Variants in RAB11FIP3 observed in about 807,000 individuals in gnomAD.
The protein encoded by RAB11FIP3 is rab11 family-interacting protein 3.
A neutral mutation model predicts 77.8 loss-of-function variants in RAB11FIP3; 17 were observed. The observed-to-expected ratio is 0.22, with a 90% confidence interval of 0.15 to 0.33. The LOEUF is 0.33. Among genes scored for constraint, RAB11FIP3 ranks in the 10% least tolerant of loss-of-function variants. The probability of loss-of-function intolerance (pLI) is 1.00; values close to 1 mark genes in which losing one functional copy is unlikely to be tolerated. For synonymous variants in RAB11FIP3, 437 were observed against 448.2 expected, an observed-to-expected ratio of 0.98 and a Z score of 0.31; for missense variants, 1,005 against 1,011.2, an observed-to-expected ratio of 0.99 and a Z score of 0.08.
chr16:517,501 G>A (rs966069950), intron 9 of RAB11FIP3, among the ~76,000 whole-genome samples: 7 of 151,922 alleles, frequency 4.6e-5, no homozygotes, highest in Non-Finnish European at 8.8e-5. Context: ...CCGGGAGGTC[G>A]GGGCTGCAGT....
rs1567392373 is a variant in RAB11FIP3, at chr16:492,460, G to GGGAGACCCGAGGCCGCCCAGAGCCCTCCC, written c.1265+3462_1265+3463insAGACCCGAGGCCGCCCAGAGCCCTCCCGG. Among the ~76,000 whole-genome samples, 241 of 28,196 alleles carry GGGAGACCCGAGGCCGCCCAGAGCCCTCCC rather than the reference G, an allele frequency of 8.5e-3. 16 individuals are homozygous for GGGAGACCCGAGGCCGCCCAGAGCCCTCCC. Among genetic ancestry groups the GGGAGACCCGAGGCCGCCCAGAGCCCTCCC allele is most frequent in the Non-Finnish European group, 9.4e-3 (138 of 14,674 alleles). 18.5% of individuals were successfully genotyped at this position (28,196 alleles called of 152,430 possible). A position where few individuals can be genotyped will look rare whatever the true frequency, so the allele number is the denominator to read the frequency against. ...CCCGAGGCCGCCCAGGGCCCTTCCC[G>GGGAGACCCGAGGCCGCCCAGAGCCCTCCC]GGGAGACCCGAGGCCGCCCAGGGCC... is the stretch of plus-strand genomic sequence containing the variant. On this transcript the variant is annotated intron_variant, in intron 5 of 13. Transcript: ENST00000262305.
rs1419511758 is a variant in RAB11FIP3, at chr16:469,399, A to G, written c.809-1896A>G. Among the ~76,000 whole-genome samples the G allele has an allele frequency of 2.0e-5, 3 of 147,284 alleles. No individual in the cohort carries two copies. The East Asian group carries it at 6.2e-4, about 30-fold the overall frequency. On this transcript the variant is annotated intron_variant, in intron 2 of 13. Transcript: ENST00000262305. Reference sequence around the variant, plus strand: ...TATTTTTTATTATTTTAAATGTATTATTTATGTATTTATGAGACAGGGACT... The same window carrying G: ...TATTTTTTATTATTTTAAATGTATTGTTTATGTATTTATGAGACAGGGACT...
intron 4 of RAB11FIP3, among the ~76,000 whole-genome samples, chr16:488,605 C>T (rs2029893730): frequency 6.6e-6 from 1 of 152,020 alleles, no homozygotes; most frequent in African/African-American, 2.4e-5. Flanking sequence ...GTTGAGGCCT[C>T]CCCCTGTTGC....
In RAB11FIP3 at chr16:521,075, A is replaced by C; in HGVS notation, c.*236A>C. 3.5e-6 allele frequency: 2 copies of C among 579,452 alleles called. No individual in the cohort carries two copies. The highest frequency in any genetic ancestry group is 6.2e-6 in the Non-Finnish European group (2 of 324,178). The allele number at this position is 579,452 out of a possible 1,614,324, so 35.9% of individuals were successfully genotyped here. A position where few individuals can be genotyped will look rare whatever the true frequency, so the allele number is the denominator to read the frequency against. On this transcript the variant is annotated 3_prime_UTR_variant, in exon 14 of 14. Coordinates refer to ENST00000262305, the MANE Select transcript of RAB11FIP3 (RefSeq NM_014700.4). Reference sequence around the variant, plus strand: ...CAGGGCCCGGGGTCCACAGAGGATGAGGGTTGTGGCAGGGCCGTCCATCAG... The same window carrying C: ...CAGGGCCCGGGGTCCACAGAGGATGCGGGTTGTGGCAGGGCCGTCCATCAG...
intron 9 of RAB11FIP3, among the ~76,000 whole-genome samples, chr16:512,342 G>A (rs1222776733): frequency 2.0e-5 from 3 of 151,814 alleles, no homozygotes; most frequent in Non-Finnish European, 2.9e-5. Context: ...CCGGGTTCAC[G>A]CCATTCTCCC....
intron 9 of RAB11FIP3, among the ~76,000 whole-genome samples, chr16:515,446 C>T (rs1269531979): frequency 1.3e-5 from 2 of 152,210 alleles, no homozygotes; most frequent in African/African-American, 4.8e-5. Flanking sequence ...GCGCCAGCAG[C>T]TACACCGGTG....
rs1386641483 is a variant in RAB11FIP3 at position 469,554 on chromosome 16, C to G, written c.809-1741C>G. Among the ~76,000 whole-genome samples the G allele has an allele frequency of 5.9e-5, 9 of 151,972 alleles. No individual in the cohort carries two copies. The South Asian group carries it at 8.3e-4, about 14-fold the overall frequency. On this transcript the variant is annotated intron_variant, in intron 2 of 13. Coordinates refer to ENST00000262305, the MANE Select transcript of RAB11FIP3 (RefSeq NM_014700.4). ...GGACTACAGGCATGCCCCCACCACA[C>G]CTGGCTAATTGTTTTTGTGGAGATG...
At chr16:496,172 G>A (rs1390844577) in intron 5 of RAB11FIP3, among the ~76,000 whole-genome samples, 1 of 152,226 alleles carries the variant, frequency 6.6e-6, no homozygotes, top group Non-Finnish European at 1.5e-5. Context: ...GGCCCCAGGG[G>A]TGAGGGTGTC....
intron 1 of RAB11FIP3, among the ~76,000 whole-genome samples, chr16:441,088 C>T (rs2055218055): frequency 6.6e-6 from 1 of 152,196 alleles, no homozygotes; most frequent in Non-Finnish European, 1.5e-5. Flanking sequence ...TGACAGGTAC[C>T]TGCCACCACG....
chr16:435,189 A>C (rs1246791080), intron 1 of RAB11FIP3, among the ~76,000 whole-genome samples: 2 of 150,168 alleles, frequency 1.3e-5, no homozygotes, highest in Admixed American at 6.7e-5. Flanking sequence ...TGGGCGACAG[A>C]GCGAGACTCC....
chr16:453,180 T>C (rs1327748201), intron 1 of RAB11FIP3, among the ~76,000 whole-genome samples: 2 of 151,728 alleles, frequency 1.3e-5, no homozygotes, highest in Non-Finnish European at 2.9e-5. Flanking sequence ...GTTCAAGTGA[T>C]TCTCGTGCCT....
chr16:517,623 A>T (rs577891171), intron 9 of RAB11FIP3, among the ~76,000 whole-genome samples: 1 of 152,304 alleles, frequency 6.6e-6, no homozygotes, highest in Non-Finnish European at 1.5e-5. Flanking sequence ...AAGGGCACGC[A>T]TGGGAAAGCC....
intron 1 of RAB11FIP3, among the ~76,000 whole-genome samples, chr16:430,280 T>C (rs1212797388): frequency 6.6e-6 from 1 of 152,136 alleles, no homozygotes; most frequent in African/African-American, 2.4e-5. Context: ...CTAAGAGTGT[T>C]GTGAGAAAGG....
At position 505,721 on chromosome 16, in the gene RAB11FIP3, G is replaced by T. The variant is rs1335967284; in HGVS notation, c.1499+94G>T. ...ACTTCTCTTTACCTCACACAGCAGGGGCTTGGCCACCCGTCCATCCCCGTT... is the reference window on the plus strand; with the variant it reads ...ACTTCTCTTTACCTCACACAGCAGGTGCTTGGCCACCCGTCCATCCCCGTT... On this transcript the variant is annotated intron_variant, in intron 8 of 13. Coordinates refer to ENST00000262305, the MANE Select transcript of RAB11FIP3 (RefSeq NM_014700.4). This position sits in a 1 kb window ranked among gnomAD's most constrained non-coding sequence, Gnocchi z 4.0. 1.3e-5 allele frequency: 14 copies of T among 1,110,678 alleles called. No homozygotes were observed. The highest frequency in any genetic ancestry group is 1.5e-5 in the Non-Finnish European group (12 of 787,144). The allele number at this position is 1,110,678 out of a possible 1,614,324, so 68.8% of individuals were successfully genotyped here.
At chr16:489,234 A>G in intron 5 of RAB11FIP3, 1 of 568,666 alleles carries the variant, frequency 1.8e-6, no homozygotes, top group Non-Finnish European at 3.0e-6. Flanking sequence ...AGGCTTCAGC[A>G]AAATCCTGTG....
At chr16:491,192 T>C in intron 5 of RAB11FIP3, 1 of 1,304,684 alleles carries the variant, frequency 7.7e-7, no homozygotes, top group Middle Eastern at 2.1e-4. Flanking sequence ...GTTTGAGTTT[T>C]ACTGTAGCCA....
Position 507,690 on chromosome 16 carries a change from G to C in RAB11FIP3, c.1499+2063G>C, listed in dbSNP as rs2031943003. On this transcript the variant is annotated intron_variant, in intron 8 of 13. Coordinates refer to ENST00000262305, the MANE Select transcript of RAB11FIP3 (RefSeq NM_014700.4). This position sits in a 1 kb window ranked among gnomAD's most constrained non-coding sequence, Gnocchi z 4.6. ...TGCAGTGCAGCCCCGGCCACATTCA[G>C]TTCCTGTGGCTGTTCCCTGTGGTGC... Among the ~76,000 whole-genome samples, 1 of 152,262 alleles carries C rather than the reference G, an allele frequency of 6.6e-6. No homozygotes were observed. Among genetic ancestry groups the C allele is most frequent in the African/African-American group, 2.4e-5 (1 of 41,468 alleles).
chr16:509,860 G>C (rs757451969), intron 8 of RAB11FIP3, among the ~76,000 whole-genome samples: 1 of 152,170 alleles, frequency 6.6e-6, no homozygotes, highest in African/African-American at 2.4e-5. Context: ...AGGAAGCCTC[G>C]TGAGCACCTT....
Position 514,303 on chromosome 16 carries a change from C to T in RAB11FIP3, c.1640+3503C>T, listed in dbSNP as rs2032312450. ...GCCTCTGGCATCTTGGGGACTTCCCCAGCCTGGCCTCTGCCCATCTGGTGT... is the reference window on the plus strand; with the variant it reads ...GCCTCTGGCATCTTGGGGACTTCCCTAGCCTGGCCTCTGCCCATCTGGTGT... On this transcript the variant is annotated intron_variant, in intron 9 of 13. Coordinates refer to ENST00000262305, the MANE Select transcript of RAB11FIP3 (RefSeq NM_014700.4). This position sits in a 1 kb window ranked among gnomAD's most constrained non-coding sequence, Gnocchi z 4.6. Among the ~76,000 whole-genome samples the T allele has an allele frequency of 6.6e-6, 1 of 151,634 alleles. No homozygotes were observed. Among genetic ancestry groups the T allele is most frequent in the Non-Finnish European group, 1.5e-5 (1 of 68,036 alleles).
Sources: allele counts gnomAD v4.1 joint callset (sites outside exome capture counted in the v4.1 genomes callset), GRCh38; gene constraint gnomAD v4.1.1; non-coding constraint Gnocchi (gnomAD v3.1); transcripts MANE v1.5; gene names NCBI Gene and HGNC (gene_info 2026-07-23, HGNC 2026-07-21).